OSBPL9: variants seen among roughly 807,000 people sequenced by gnomAD.
OSBPL9 encodes the protein oxysterol binding protein like 9, also known as oxysterol-binding protein-related protein 9.
A neutral mutation model predicts 106.6 loss-of-function variants in OSBPL9; 40 were observed. The observed-to-expected ratio is 0.38, with a 90% CI of 0.29 to 0.49. The LOEUF (loss-of-function observed/expected upper bound fraction) is 0.49, where lower values mean the gene tolerates loss of function less well. OSBPL9 is among the 20% of genes least tolerant of loss of function. The pLI is 0.97. For synonymous variants in OSBPL9, 269 were observed against 295.4 expected, an observed-to-expected ratio of 0.91 and a Z score of 0.92; for missense variants, 609 against 887.2, an observed-to-expected ratio of 0.69 and a Z score of 3.98.
In OSBPL9 at chr1:51,669,525, AAG is replaced by A. The variant is rs1649343662; in HGVS notation, c.241+17_241+18del. The A allele has an allele frequency of 6.2e-7, 1 of 1,612,580 alleles. No homozygotes were observed. Among genetic ancestry groups the A allele is most frequent in the Admixed American group, 1.7e-5 (1 of 59,996 alleles). On this transcript the variant is annotated intron_variant, in intron 3 of 23. Transcript: ENST00000428468. ...TTCCATTTCCAGGGTGAGCTGAAAG[AAG>A]AGATTCTTTCTCTTCATAGTCCCAT...
chr1:51,768,519 A>C (rs754929583), intron 12 of OSBPL9, among the ~76,000 whole-genome samples: 13 of 152,250 alleles, frequency 8.5e-5, no homozygotes, highest in Non-Finnish European at 1.9e-4. Flanking sequence ...TGGCCTAAAG[A>C]CAATACATTA....
intron 20 of OSBPL9, 65 bp from the exon 21 acceptor site, chr1:51,785,742 AC>A: frequency 7.1e-7 from 1 of 1,414,790 alleles, no homozygotes; most frequent in South Asian, 1.2e-5. Flanking sequence ...GTTGGGCCAC[AC>A]TGAGCAGATT....
At chr1:51,754,961 T>C (rs1346953451) in intron 8 of OSBPL9, among the ~76,000 whole-genome samples, 1 of 152,134 alleles carries the variant, frequency 6.6e-6, no homozygotes, top group Non-Finnish European at 1.5e-5. Context: ...TACTCACCAC[T>C]GTGCCTGACT....
At chr1:51,761,178 T>C (rs1336570386) in intron 10 of OSBPL9, among the ~76,000 whole-genome samples, 2 of 152,096 alleles carry the variant, frequency 1.3e-5, no homozygotes, top group Non-Finnish European at 2.9e-5. Flanking sequence ...ATGTTCATGG[T>C]AGATTTTAAG....
chr1:51,633,911 C>T (rs969906013), intron 1 of OSBPL9, among the ~76,000 whole-genome samples: 2 of 152,286 alleles, frequency 1.3e-5, no homozygotes, highest in African/African-American at 2.4e-5. Context: ...AGGTGTAAGC[C>T]GCCTTACCTG....
intron 16 of OSBPL9, among the ~76,000 whole-genome samples, chr1:51,782,124 G>C (rs944486830): frequency 6.6e-6 from 1 of 152,062 alleles, no homozygotes; most frequent in Non-Finnish European, 1.5e-5. Context: ...TGACCAGCAG[G>C]GAAGACTCAA....
intron 14 of OSBPL9, among the ~76,000 whole-genome samples, chr1:51,773,106 T>C (rs58123375): frequency 0.034 from 5,148 of 152,222 alleles, 181 homozygotes; most frequent in Middle Eastern, 0.088. Context: ...GTAACCTGTT[T>C]CAGAGGGTTA....
At chr1:51,720,149 C>T (rs967173622) in intron 4 of OSBPL9, among the ~76,000 whole-genome samples, 2 of 152,090 alleles carry the variant, frequency 1.3e-5, no homozygotes, top group African/African-American at 2.4e-5. Flanking sequence ...AATGAAGTAA[C>T]TTGGTTTTAA....
intron 3 of OSBPL9, among the ~76,000 whole-genome samples, chr1:51,692,576 A>ATCCC (rs1655187033): frequency 6.6e-6 from 1 of 151,126 alleles, no homozygotes; most frequent in African/African-American, 2.4e-5. Flanking sequence ...CATATATGCA[A>ATCCC]TCCCTCCCTC....
At position 51,784,446 on chromosome 1, in the gene OSBPL9, ATCC is replaced by A; in HGVS notation, c.1696_1698del (p.Leu566del). The A allele has an allele frequency of 6.2e-7, 1 of 1,614,138 alleles. No homozygotes were observed. Among genetic ancestry groups the A allele is most frequent in the Non-Finnish European group, 8.5e-7 (1 of 1,179,994 alleles). On this transcript the variant is annotated inframe_deletion, in exon 20 of 24. Coordinates refer to ENST00000428468, the MANE Select transcript of OSBPL9 (RefSeq NM_024586.6). ...TAAAAACTTTTGATTTTGCAGGTCT[ATCC>A]TCACAGTGCCCTGGGTGGAATTAGG...
rs1678118895 is a variant in OSBPL9, at chr1:51,788,042, C to T, written c.*253C>T. 4.1e-6 allele frequency: 2 copies of T among 484,080 alleles called. No individual in the cohort carries two copies. Among genetic ancestry groups the T allele is most frequent in the East Asian group, 3.5e-5 (1 of 28,332 alleles). 30.0% of individuals were successfully genotyped at this position (484,080 alleles called of 1,614,324 possible). On this transcript the variant is annotated 3_prime_UTR_variant, in exon 24 of 24. Transcript: ENST00000428468. ...TTTTGAAAATCAGATGATGTCTTCT[C>T]CTTTTCCAAACACCACACGTTGAAA...
chr1:51,558,911 G>T, the OSBPL9 span, among the ~76,000 whole-genome samples: 1 of 152,092 alleles, frequency 6.6e-6, no homozygotes, highest in East Asian at 1.9e-4. Flanking sequence ...AGTCCCAATG[G>T]TAAGAGGAAA....
the OSBPL9 span, among the ~76,000 whole-genome samples, chr1:51,540,666 A>AT: frequency 6.3e-5 from 9 of 142,474 alleles, no homozygotes; most frequent in South Asian, 4.4e-4. Context: ...AAAAAAAAAA[A>AT]TTTTTTTTGT....
At chr1:51,518,854 C>G in the OSBPL9 span, among the ~76,000 whole-genome samples, 1 of 151,804 alleles carries the variant, frequency 6.6e-6, no homozygotes, top group East Asian at 1.9e-4. Flanking sequence ...GAGGAAACTT[C>G]CTGGGTAGGT....
chr1:51,545,426 A>G, the OSBPL9 span, among the ~76,000 whole-genome samples: 1 of 152,148 alleles, frequency 6.6e-6, no homozygotes, highest in Non-Finnish European at 1.5e-5. Context: ...TAAAAAAATT[A>G]TCCAGGCGTG....
At position 51,787,384 on chromosome 1, in the gene OSBPL9, A is replaced by G; in HGVS notation, c.2032A>G (p.Ile678Val). 1 of 1,614,086 alleles carries G rather than the reference A, an allele frequency of 6.2e-7. No homozygotes were observed. The highest frequency in any genetic ancestry group is 8.5e-7 in the Non-Finnish European group (1 of 1,179,926). The change falls in exon 23 of 24, where the codon ATC becomes GTC. Residue 678 changes from isoleucine (I) to valine (V), a missense_variant. Coordinates refer to ENST00000428468, the MANE Select transcript of OSBPL9 (RefSeq NM_024586.6). Reference sequence around the variant, plus strand: ...GAAGGATGTCACTTTCAACTTAAAAATCAGAGACATTGATGCAGCAACTGA... The same window carrying G: ...GAAGGATGTCACTTTCAACTTAAAAGTCAGAGACATTGATGCAGCAACTGA... ...LWKDVTFNLKIRDIDAATEAK... is the reference protein window; with the variant it reads ...LWKDVTFNLKVRDIDAATEAK...
chr1:51,521,389 C>A, the OSBPL9 span, among the ~76,000 whole-genome samples: 37 of 152,134 alleles, frequency 2.4e-4, no homozygotes, highest in Admixed American at 2.4e-3. Flanking sequence ...TAAGATATTC[C>A]TCTCAGATGA....
chr1:51,731,775 C>CAAAAA (rs905927971), intron 4 of OSBPL9, among the ~76,000 whole-genome samples: 1 of 67,144 alleles, frequency 1.5e-5, no homozygotes, highest in African/African-American at 4.8e-5. Context: ...GAGTCTGTCT[C>CAAAAA]AAAAAAAAAA....
chr1:51,775,940 A>C (rs935227665), intron 14 of OSBPL9, among the ~76,000 whole-genome samples: 1 of 152,146 alleles, frequency 6.6e-6, no homozygotes, highest in Non-Finnish European at 1.5e-5. Context: ...CAGGACCTTG[A>C]ATATAGTGGA....
Sources: gnomAD v4.1 joint callset for allele counts (sites outside exome capture counted in the v4.1 genomes callset) on GRCh38, gnomAD v4.1.1 for gene constraint, MANE v1.5 for transcripts, NCBI Gene and HGNC (gene_info 2026-07-23, HGNC 2026-07-21) for gene names.